Variants in PKHD1 observed in about 807,000 individuals in gnomAD.
PKHD1 encodes fibrocystin.
In PKHD1, 291 loss-of-function variants were observed where a neutral mutation model predicts 412.0. The observed-to-expected ratio is 0.71, with a 90% CI of 0.64 to 0.78. PKHD1 has a LOEUF of 0.78. Among genes scored for constraint, PKHD1 ranks in the 30% least tolerant of loss-of-function variants. PKHD1 has a pLI of 0.00. For synonymous variants in PKHD1, 1,777 were observed against 1,821.5 expected, an observed-to-expected ratio of 0.98 and a Z score of 0.62; for missense variants, 4,825 against 4,950.7, an observed-to-expected ratio of 0.97 and a Z score of 0.76.
chr6:52,085,797 T>C (rs1474462672), intron 1 of PKHD1, among the ~76,000 whole-genome samples: 1 of 151,978 alleles, frequency 6.6e-6, no homozygotes, highest in Non-Finnish European at 1.5e-5. Context: ...GAAGACATAT[T>C]TGAATACCCT....
chr6:51,742,753 A>G (rs142024160), intron 60 of PKHD1, among the ~76,000 whole-genome samples: 7 of 152,354 alleles, frequency 4.6e-5, no homozygotes, highest in African/African-American at 9.6e-5. Context: ...TAAACAGTAC[A>G]TTAACATAAG....
chr6:51,934,939 G>A (rs1787234196), intron 36 of PKHD1, among the ~76,000 whole-genome samples: 1 of 152,156 alleles, frequency 6.6e-6, no homozygotes, highest in African/African-American at 2.4e-5. Context: ...TGGAGCAAAA[G>A]GGAAAAGAGG....
At chr6:51,711,237 A>G (rs1199179428) in intron 60 of PKHD1, among the ~76,000 whole-genome samples, 3 of 152,156 alleles carry the variant, frequency 2.0e-5, no homozygotes, top group Non-Finnish European at 4.4e-5. Context: ...GCCTCACAAG[A>G]TCAGTATTTC....
At chr6:51,884,148 T>C (rs551859106) in intron 45 of PKHD1, among the ~76,000 whole-genome samples, 1 of 152,328 alleles carries the variant, frequency 6.6e-6, no homozygotes, top group South Asian at 2.1e-4. Context: ...TTGCTAATTT[T>C]ATTTATTATT....
intron 36 of PKHD1, among the ~76,000 whole-genome samples, chr6:51,954,755 T>A (rs1790863431): frequency 7.0e-6 from 1 of 143,072 alleles, no homozygotes; most frequent in Non-Finnish European, 1.5e-5. Flanking sequence ...TGTGTGTGTG[T>A]GATAGGAGTA....
intron 63 of PKHD1, among the ~76,000 whole-genome samples, chr6:51,640,270 A>T (rs892868885): frequency 6.6e-6 from 1 of 152,210 alleles, no homozygotes; most frequent in Non-Finnish European, 1.5e-5. Flanking sequence ...CGTAGAGCAC[A>T]GTGAGTTGGC....
In PKHD1 at chr6:51,934,334, A is replaced by T. The variant is rs1395720705; in HGVS notation, c.5909-12T>A. The T allele has an allele frequency of 6.3e-7, 1 of 1,588,122 alleles. No individual in the cohort carries two copies. The highest frequency in any genetic ancestry group is 1.3e-5 in the African/African-American group (1 of 74,412). ...AATCAGCTTGCCCCCTAATGGACAA[A>T]GGGAAAATTGTCAGTCCCTGGGAGG... On this transcript the variant is annotated splice_polypyrimidine_tract_variant and intron_variant, in intron 36 of 66. Coordinates refer to ENST00000371117, the MANE Select transcript of PKHD1 (RefSeq NM_138694.4).
chr6:51,917,547 A>G (rs1260899348), intron 37 of PKHD1, among the ~76,000 whole-genome samples: 1 of 152,214 alleles, frequency 6.6e-6, no homozygotes, highest in Non-Finnish European at 1.5e-5. Context: ...CTGCAATCAC[A>G]CCAAGGGAGT....
At chr6:51,756,872 A>G (rs1001993938) in intron 55 of PKHD1, among the ~76,000 whole-genome samples, 5 of 152,172 alleles carry the variant, frequency 3.3e-5, no homozygotes, top group Non-Finnish European at 4.4e-5. Context: ...ACCAGGGACC[A>G]GTTTTGTGAA....
chr6:51,762,508 A>C (rs1324772085), intron 55 of PKHD1, among the ~76,000 whole-genome samples: 1 of 152,088 alleles, frequency 6.6e-6, no homozygotes, highest in East Asian at 1.9e-4. Context: ...TTAGAGATAA[A>C]TTGATAAAAC....
At chr6:51,791,451 T>C in intron 52 of PKHD1, 78 bp from the exon 53 acceptor site, 1 of 1,349,008 alleles carries the variant, frequency 7.4e-7, no homozygotes, top group Non-Finnish European at 1.1e-6. Flanking sequence ...CTCCCAGCAG[T>C]TTGGGAGCTG....
chr6:51,856,286 A>C (rs976525032), intron 48 of PKHD1, among the ~76,000 whole-genome samples: 1 of 152,142 alleles, frequency 6.6e-6, no homozygotes, highest in African/African-American at 2.4e-5. Flanking sequence ...TGCAAATTAC[A>C]ATGTCCTGGT....
chr6:51,899,392 A>G (rs1215695911), intron 43 of PKHD1, among the ~76,000 whole-genome samples: 1 of 152,172 alleles, frequency 6.6e-6, no homozygotes, highest in Non-Finnish European at 1.5e-5. Flanking sequence ...AATCCAGCAT[A>G]TAAACAGAGC....
intron 28 of PKHD1, among the ~76,000 whole-genome samples, chr6:52,035,035 C>G (rs1368365012): frequency 6.6e-6 from 1 of 152,060 alleles, no homozygotes; most frequent in Non-Finnish European, 1.5e-5. Context: ...GACCCAGACT[C>G]AAATCCCTTA....
chr6:52,055,276 G>T (rs1274148587), intron 19 of PKHD1, among the ~76,000 whole-genome samples: 1 of 152,178 alleles, frequency 6.6e-6, no homozygotes, highest in African/African-American at 2.4e-5. Context: ...GTGGAATCAG[G>T]ATTTAAAACC....
intron 60 of PKHD1, among the ~76,000 whole-genome samples, chr6:51,675,074 A>T (rs1184740180): frequency 6.6e-6 from 1 of 152,148 alleles, no homozygotes; most frequent in Non-Finnish European, 1.5e-5. Context: ...ACCTTTAATC[A>T]ATCCTCCTAT....
At chr6:51,862,223 A>T (rs1774308829) in intron 48 of PKHD1, among the ~76,000 whole-genome samples, 1 of 152,188 alleles carries the variant, frequency 6.6e-6, no homozygotes, top group Admixed American at 6.5e-5. Context: ...GAGTATTTTC[A>T]CTATAGAATT....
chr6:51,748,124 G>A lies in PKHD1; in HGVS notation c.9492C>T (p.Ser3164=), dbSNP rs17752991. 9.2e-4 allele frequency: 1,486 copies of A among 1,613,830 alleles called. 4 individuals are homozygous for A. In the East Asian group the frequency reaches 0.024, roughly 26 times the overall value. ...DYGAMLHVEN[S]VEIENITLVD... ...CCAGAGTAATGTTCTCTATCTCCACGCTGTTCTCTACATGTAACATGGCAC... is the reference window on the plus strand; with the variant it reads ...CCAGAGTAATGTTCTCTATCTCCACACTGTTCTCTACATGTAACATGGCAC... Residue 3164 remains serine, a synonymous_variant, in exon 58 of 67, where the codon AGC becomes AGT. Coordinates refer to ENST00000371117, the MANE Select transcript of PKHD1 (RefSeq NM_138694.4).
chr6:51,682,527 T>G (rs1023525337), intron 60 of PKHD1, among the ~76,000 whole-genome samples: 1 of 152,048 alleles, frequency 6.6e-6, no homozygotes, highest in African/African-American at 2.4e-5. Flanking sequence ...GAATGAGTTA[T>G]TATATTTGGG....
Sources: allele counts gnomAD v4.1 joint callset (sites outside exome capture counted in the v4.1 genomes callset), GRCh38; gene constraint gnomAD v4.1.1; transcripts MANE v1.5; gene names NCBI Gene and HGNC (gene_info 2026-07-23, HGNC 2026-07-21).